ARID2: variants seen among roughly 807,000 people sequenced by gnomAD.
ARID2 encodes the protein AT-rich interaction domain 2.
In ARID2, 32 loss-of-function variants were observed where a neutral mutation model predicts 184.6. The observed-to-expected ratio is 0.17, with a 90% CI of 0.13 to 0.23. The LOEUF (loss-of-function observed/expected upper bound fraction) is 0.23. ARID2 is among the 10% of genes least tolerant of loss of function. The pLI is 1.00. For missense variants in ARID2, 1,696 were observed against 2,197.6 expected, an observed-to-expected ratio of 0.77 and a Z score of 4.56; for synonymous variants, 836 against 772.6, an observed-to-expected ratio of 1.08 and a Z score of -1.36.
intron 4 of ARID2, among the ~76,000 whole-genome samples, chr12:45,817,114 G>A (rs969059607): frequency 7.2e-5 from 11 of 152,198 alleles, no homozygotes; most frequent in Admixed American, 7.2e-4. Flanking sequence ...GCAGCACTTT[G>A]GGAGGCCGCA....
At chr12:45,761,226 C>T (rs1335721051) in intron 3 of ARID2, among the ~76,000 whole-genome samples, 1 of 152,174 alleles carries the variant, frequency 6.6e-6, no homozygotes, top group Admixed American at 6.5e-5. Context: ...CACTGCACCC[C>T]TACTTTCTTG....
intron 3 of ARID2, among the ~76,000 whole-genome samples, chr12:45,780,436 C>CT (rs1942067835): frequency 6.6e-6 from 1 of 151,748 alleles, no homozygotes; most frequent in Non-Finnish European, 1.5e-5. Flanking sequence ...TTAGTATCTG[C>CT]TTTTTTTCAT....
intron 20 of ARID2, among the ~76,000 whole-genome samples, chr12:45,899,521 G>A (rs1421352018): frequency 5.3e-5 from 8 of 149,882 alleles, no homozygotes; most frequent in African/African-American, 1.7e-4. Context: ...CAGGAGAATG[G>A]CGTGAACACA....
intron 3 of ARID2, among the ~76,000 whole-genome samples, chr12:45,733,206 A>C (rs1941035735): frequency 6.6e-6 from 1 of 152,208 alleles, no homozygotes; most frequent in South Asian, 2.1e-4. Flanking sequence ...GAAGATTTGC[A>C]TGGCTTGTAA....
At chr12:45,739,258 C>T (rs1299179509) in intron 3 of ARID2, among the ~76,000 whole-genome samples, 3 of 151,994 alleles carry the variant, frequency 2.0e-5, no homozygotes, top group East Asian at 1.9e-4. Flanking sequence ...AGATTACAGG[C>T]GTGAGCCACT....
intron 3 of ARID2, among the ~76,000 whole-genome samples, chr12:45,792,182 T>C (rs1293904462): frequency 2.0e-5 from 3 of 152,206 alleles, no homozygotes; most frequent in African/African-American, 7.2e-5. Flanking sequence ...TTTTTGGGAC[T>C]GTACATTTCT....
At chr12:45,771,614 A>T (rs563087150) in intron 3 of ARID2, among the ~76,000 whole-genome samples, 36 of 152,014 alleles carry the variant, frequency 2.4e-4, no homozygotes, top group African/African-American at 8.4e-4. Flanking sequence ...TTGAGGCTGC[A>T]GTGAGCTATG....
At chr12:45,804,449 T>G (rs1181072495) in intron 3 of ARID2, among the ~76,000 whole-genome samples, 1 of 151,878 alleles carries the variant, frequency 6.6e-6, no homozygotes, top group Non-Finnish European at 1.5e-5. Context: ...TGGTTGTGTT[T>G]AATGAGTAAA....
At chr12:45,748,772 C>T (rs1188600933) in intron 3 of ARID2, among the ~76,000 whole-genome samples, 3 of 152,110 alleles carry the variant, frequency 2.0e-5, no homozygotes, top group Non-Finnish European at 2.9e-5. Context: ...GCATCTTCAC[C>T]GAGAATACAT....
At chr12:45,811,652 A>G in intron 4 of ARID2, 101 bp downstream of exon 4, 1 of 1,254,284 alleles carries the variant, frequency 8.0e-7, no homozygotes, top group Non-Finnish European at 1.1e-6. Context: ...ACATGAGAAC[A>G]CTTAAGGCCT....
At chr12:45,771,586 T>C (rs1941877931) in intron 3 of ARID2, among the ~76,000 whole-genome samples, 1 of 151,668 alleles carries the variant, frequency 6.6e-6, no homozygotes, top group Non-Finnish European at 1.5e-5. Flanking sequence ...GGTGGGAGGA[T>C]TGCTTGAGCT....
At chr12:45,760,392 T>A (rs141708697) in intron 3 of ARID2, among the ~76,000 whole-genome samples, 1 of 152,190 alleles carries the variant, frequency 6.6e-6, no homozygotes, top group African/African-American at 2.4e-5. Context: ...TTGAGGTTTT[T>A]AAATTTTTTT....
intron 3 of ARID2, among the ~76,000 whole-genome samples, chr12:45,807,449 G>T (rs1271869813): frequency 1.3e-5 from 2 of 152,044 alleles, no homozygotes; most frequent in Admixed American, 1.3e-4. Context: ...TGATATCTGA[G>T]AATTGCTTTA....
At position 45,823,180 on chromosome 12, in the gene ARID2, A is replaced by G. The variant is rs190825890; in HGVS notation, c.705+1693A>G. 9.2e-5 allele frequency among the ~76,000 whole-genome samples: 14 copies of G among 152,270 alleles called. No individual in the cohort carries two copies. In the East Asian group the frequency reaches 2.7e-3, roughly 29 times the overall value. ...TAATAAGAGGAACTTTGGAAACTGTACAGATGTTAATACAAGAAAATTAAC... is the reference window on the plus strand; with the variant it reads ...TAATAAGAGGAACTTTGGAAACTGTGCAGATGTTAATACAAGAAAATTAAC... On this transcript the variant is annotated intron_variant, in intron 6 of 20. Coordinates refer to ENST00000334344, the MANE Select transcript of ARID2 (RefSeq NM_152641.4).
chr12:45,887,231 GTGA>G (rs1944206523), intron 16 of ARID2, among the ~76,000 whole-genome samples: 1 of 152,128 alleles, frequency 6.6e-6, no homozygotes, highest in African/African-American at 2.4e-5. Context: ...ATAAATTATA[GTGA>G]TGATGTAACT....
intron 3 of ARID2, among the ~76,000 whole-genome samples, chr12:45,795,766 T>C (rs1942382307): frequency 6.6e-6 from 1 of 152,020 alleles, no homozygotes. Context: ...TCCTATCTTG[T>C]TTGTTCTTCT....
At chr12:45,830,446 A>C (rs899490417) in intron 6 of ARID2, among the ~76,000 whole-genome samples, 3 of 152,138 alleles carry the variant, frequency 2.0e-5, no homozygotes, top group Non-Finnish European at 4.4e-5. Flanking sequence ...TTTTTAACCC[A>C]AAACTACGGT....
intron 3 of ARID2, among the ~76,000 whole-genome samples, chr12:45,765,828 CT>C (rs1482290231): frequency 6.6e-6 from 1 of 152,100 alleles, no homozygotes; most frequent in African/African-American, 2.4e-5. Flanking sequence ...TTTCTTGCCC[CT>C]TTTTAACCTC....
chr12:45,795,082 G>C (rs1942364815), intron 3 of ARID2, among the ~76,000 whole-genome samples: 1 of 151,458 alleles, frequency 6.6e-6, no homozygotes, highest in African/African-American at 2.4e-5. Context: ...ACATGGAAGA[G>C]TTCTTAGATT....
Sources: gnomAD v4.1 joint callset for allele counts (sites outside exome capture counted in the v4.1 genomes callset) on GRCh38, gnomAD v4.1.1 for gene constraint, MANE v1.5 for transcripts, NCBI Gene and HGNC (gene_info 2026-07-23, HGNC 2026-07-21) for gene names.